The following PHEX variants were observed in gnomAD, a reference collection of about 807,000 sequenced individuals.
PHEX encodes phosphate-regulating neutral endopeptidase PHEX.
A neutral mutation model predicts 68.0 loss-of-function variants in PHEX; 16 were observed. The ratio of observed to expected loss-of-function variants is 0.24; its 90% CI spans 0.16 to 0.36. The LOEUF is 0.36. PHEX is among the 10% of genes least tolerant of loss of function. The probability of loss-of-function intolerance (pLI) is 1.00; values close to 1 mark genes in which losing one functional copy is unlikely to be tolerated. For synonymous variants in PHEX, 208 were observed against 205.1 expected, an observed-to-expected ratio of 1.01 and a Z score of -0.12; for missense variants, 480 against 575.5, an observed-to-expected ratio of 0.83 and a Z score of 1.70.
chrX:22,113,990 C>G (rs1242267013), intron 10 of PHEX, among the ~76,000 whole-genome samples: 2 of 91,246 alleles, frequency 2.2e-5, no homozygotes, highest in African/African-American at 8.3e-5. Flanking sequence ...CACTCTATTG[C>G]CCAGGCTGGA....
intron 14 of PHEX, among the ~76,000 whole-genome samples, chrX:22,189,468 G>A (rs772149782): frequency 1.1e-4 from 12 of 111,613 alleles, no homozygotes; most frequent in African/African-American, 3.9e-4. Context: ...TGGGCATGGT[G>A]GCTCACGCCT....
intron 3 of PHEX, among the ~76,000 whole-genome samples, chrX:22,050,995 A>G (rs1355204271): frequency 8.9e-6 from 1 of 111,980 alleles, no homozygotes; most frequent in Non-Finnish European, 1.9e-5. Flanking sequence ...TTTGTGTGCT[A>G]GGTTTGTCGA....
chrX:22,080,683 T>G (rs1427635993), intron 5 of PHEX, among the ~76,000 whole-genome samples: 1 of 110,540 alleles, frequency 9.0e-6, no homozygotes, highest in African/African-American at 3.3e-5. Context: ...CACTTATAGG[T>G]TTTGTGGAAC....
chrX:22,201,650 G>A (rs1196067680), intron 15 of PHEX, among the ~76,000 whole-genome samples: 1 of 111,860 alleles, frequency 8.9e-6, no homozygotes, highest in Non-Finnish European at 1.9e-5. Context: ...ATGCTCTGCA[G>A]TCTCATGGGA....
rs768413746 is a variant in PHEX at position 22,094,071 on chromosome X, T to C, written c.821T>C (p.Val274Ala). The change falls in exon 7 of 22, where the codon GTG becomes GCG. Residue 274 changes from valine (V) to alanine (A), a missense_variant. Physicochemically the swap from Val to Ala is moderately conservative, Grantham distance 64. Transcript: ENST00000379374. ...AGAGCAGAGCATGACATGAAGTCAG[T>C]GCTCAGATTGGAAATTAAGATAGCT... ...SSRAEHDMKSVLRLEIKIAEI... is the reference protein window; with the variant it reads ...SSRAEHDMKSALRLEIKIAEI... 1 of 1,176,459 alleles carries C rather than the reference T, an allele frequency of 8.5e-7. No individual in the cohort carries two copies. The highest frequency in any genetic ancestry group is 1.2e-6 in the Non-Finnish European group (1 of 864,091).
intron 12 of PHEX, among the ~76,000 whole-genome samples, chrX:22,152,993 C>CTTTT (rs796374231): frequency 1.0e-5 from 1 of 98,734 alleles, no homozygotes; most frequent in Non-Finnish European, 2.1e-5. Flanking sequence ...AAATGATCAA[C>CTTTT]TTTTTTTTTT....
chrX:22,034,944 G>A (rs934981711), intron 1 of PHEX, among the ~76,000 whole-genome samples: 5 of 109,922 alleles, frequency 4.5e-5, no homozygotes, highest in Admixed American at 9.8e-5. Flanking sequence ...CCCTCTCCCC[G>A]TCCCTCTCCT....
At chrX:22,045,277 C>T (rs1927477998) in intron 2 of PHEX, among the ~76,000 whole-genome samples, 1 of 111,483 alleles carries the variant, frequency 9.0e-6, no homozygotes, top group South Asian at 3.7e-4. Context: ...GCAGTTCATT[C>T]ATATTTAGCT....
chrX:22,071,987 G>A (rs1198166041), intron 3 of PHEX, among the ~76,000 whole-genome samples: 1 of 112,148 alleles, frequency 8.9e-6, no homozygotes, highest in African/African-American at 3.2e-5. Flanking sequence ...AGCACTTTGG[G>A]AGGCTGAGGC....
intron 5 of PHEX, among the ~76,000 whole-genome samples, chrX:22,086,032 A>T: frequency 1.8e-5 from 2 of 111,974 alleles, no homozygotes; most frequent in Non-Finnish European, 3.8e-5. Flanking sequence ...CTATATCTCC[A>T]CTAGGTCCTT....
chrX:22,245,840 G>A (rs1425161286), intron 21 of PHEX, among the ~76,000 whole-genome samples: 1 of 111,812 alleles, frequency 8.9e-6, no homozygotes, highest in East Asian at 2.8e-4. Context: ...AGCCTTTATT[G>A]TCTTAGGAAA....
At chrX:22,092,107 C>G (rs1035198067) in intron 6 of PHEX, among the ~76,000 whole-genome samples, 2 of 111,782 alleles carry the variant, frequency 1.8e-5, no homozygotes, top group Non-Finnish European at 3.8e-5. Context: ...TGCGTTGGAA[C>G]CAGTCTCCCT....
intron 3 of PHEX, among the ~76,000 whole-genome samples, chrX:22,049,451 C>A (rs760965329): frequency 1.5e-4 from 17 of 111,769 alleles, no homozygotes; most frequent in African/African-American, 5.2e-4. Flanking sequence ...AATAAACATC[C>A]TTGTGTACAC....
intron 12 of PHEX, among the ~76,000 whole-genome samples, chrX:22,140,772 G>T (rs1029515714): frequency 8.9e-6 from 1 of 112,058 alleles, no homozygotes; most frequent in Non-Finnish European, 1.9e-5. Flanking sequence ...ATGAGCCACC[G>T]TGCCTGGCTG....
intron 16 of PHEX, 27 bp from the exon 17 acceptor site, chrX:22,219,008 GT>G (rs1198965877): frequency 2.6e-5 from 27 of 1,029,263 alleles, no homozygotes; most frequent in Non-Finnish European, 3.4e-5. Flanking sequence ...GCTTGTAATT[GT>G]CTCCAAATTA....
At chrX:22,235,240 T>A (rs1050475609) in intron 20 of PHEX, among the ~76,000 whole-genome samples, 1 of 112,107 alleles carries the variant, frequency 8.9e-6, no homozygotes, top group Non-Finnish European at 1.9e-5. Context: ...ACTTTCTGCA[T>A]TGATTTGGCA....
chrX:22,043,196 A>G (rs1927363091), intron 2 of PHEX, among the ~76,000 whole-genome samples: 1 of 112,526 alleles, frequency 8.9e-6, no homozygotes, highest in Non-Finnish European at 1.9e-5. Flanking sequence ...GTGATTGTGG[A>G]ATTACAGTTC....
chrX:22,080,642 A>C lies in PHEX; in HGVS notation c.663+2940A>C, dbSNP rs769533784. 4.5e-5 allele frequency among the ~76,000 whole-genome samples: 5 copies of C among 111,330 alleles called. No homozygotes were observed. The East Asian group carries it at 1.1e-3, about 25-fold the overall frequency. ...AATAGTTAAAACTATAAAAGACAAAATCTAATTGGATGAACATTTGAAGCC... is the reference window on the plus strand; with the variant it reads ...AATAGTTAAAACTATAAAAGACAAACTCTAATTGGATGAACATTTGAAGCC... On this transcript the variant is annotated intron_variant, in intron 5 of 21. Coordinates refer to ENST00000379374, the MANE Select transcript of PHEX (RefSeq NM_000444.6).
chrX:22,244,688 A>C lies in PHEX; in HGVS notation c.2071-645A>C, dbSNP rs191445331. On this transcript the variant is annotated intron_variant, in intron 20 of 21. Transcript: ENST00000379374. ...TGGATACCACAGGAGTAGAAAAGAC[A>C]TACGAGGATATGTGCACTGGCCGTT... Among the ~76,000 whole-genome samples, 17 of 112,143 alleles carry C rather than the reference A, an allele frequency of 1.5e-4. No individual in the cohort carries two copies. In the East Asian group the frequency reaches 4.8e-3, roughly 32 times the overall value.
Sources: allele counts gnomAD v4.1 joint callset (sites outside exome capture counted in the v4.1 genomes callset), GRCh38; gene constraint gnomAD v4.1.1; transcripts MANE v1.5; gene names NCBI Gene and HGNC (gene_info 2026-07-23, HGNC 2026-07-21).